The following MTUS2 variants were observed in gnomAD, a reference collection of about 807,000 sequenced individuals.
The protein encoded by MTUS2 is microtubule associated scaffold protein 2, also known as microtubule-associated tumor suppressor candidate 2.
MTUS2 carries 40 observed loss-of-function variants against 114.1 expected under a neutral mutation model. The observed-to-expected ratio is 0.35, with a 90% CI of 0.27 to 0.46. The LOEUF is 0.46. MTUS2 is among the 20% of genes least tolerant of loss of function. The pLI is 1.00. For missense variants in MTUS2, 1,679 were observed against 1,705.4 expected (o/e 0.98, Z 0.27); for synonymous variants, 688 against 672.0 (o/e 1.02, Z -0.37).
At chr13:29,144,167 C>A (rs529887549) in intron 5 of MTUS2, among the ~76,000 whole-genome samples, 1 of 152,082 alleles carries the variant, frequency 6.6e-6, no homozygotes, top group Non-Finnish European at 1.5e-5. Context: ...GTGAAACTGC[C>A]AAATAAATAA....
At chr13:29,381,168 G>T (rs1249749781) in intron 8 of MTUS2, among the ~76,000 whole-genome samples, 2 of 152,152 alleles carry the variant, frequency 1.3e-5, no homozygotes, top group African/African-American at 4.8e-5. Context: ...CTGGGCTTCT[G>T]CCCAGATACA....
chr13:29,144,900 A>G (rs185679010), intron 5 of MTUS2, among the ~76,000 whole-genome samples: 5 of 152,344 alleles, frequency 3.3e-5, no homozygotes, highest in Non-Finnish European at 2.9e-5. Flanking sequence ...GTCACACCTT[A>G]CAGTATGTCT....
At chr13:29,463,353 C>T (rs925797418) in intron 9 of MTUS2, among the ~76,000 whole-genome samples, 7 of 152,204 alleles carry the variant, frequency 4.6e-5, no homozygotes, top group South Asian at 2.1e-4. Flanking sequence ...TTTGTTAGAG[C>T]GGCCACAGGA....
At chr13:29,055,405 A>G (rs1049662794) in intron 4 of MTUS2, among the ~76,000 whole-genome samples, 3 of 152,142 alleles carry the variant, frequency 2.0e-5, no homozygotes, top group Non-Finnish European at 4.4e-5. Flanking sequence ...TTAGGGGTAC[A>G]TGAGCAGCTT....
At chr13:29,448,901 G>A (rs985529456) in intron 9 of MTUS2, among the ~76,000 whole-genome samples, 3 of 151,836 alleles carry the variant, frequency 2.0e-5, no homozygotes, top group African/African-American at 4.8e-5. Context: ...TTACAGACAC[G>A]GGCCACCACG....
chr13:29,440,941 C>T (rs556814085), intron 9 of MTUS2, among the ~76,000 whole-genome samples: 112 of 152,274 alleles, frequency 7.4e-4, no homozygotes, highest in Admixed American at 1.4e-3. Context: ...ATAGTGAGAT[C>T]CAAGCATAGC....
intron 6 of MTUS2, among the ~76,000 whole-genome samples, chr13:29,313,896 GA>G (rs1899878345): frequency 6.6e-6 from 1 of 152,124 alleles, no homozygotes; most frequent in Admixed American, 6.5e-5. Flanking sequence ...AGTTAAAAGA[GA>G]AATGCCTTAG....
chr13:29,458,758 CAT>C (rs1879285610), intron 9 of MTUS2, among the ~76,000 whole-genome samples: 1 of 152,226 alleles, frequency 6.6e-6, no homozygotes, highest in South Asian at 2.1e-4. Context: ...CAGAATAAAA[CAT>C]ATCTCTGCTT....
intron 2 of MTUS2, among the ~76,000 whole-genome samples, chr13:29,016,091 G>A (rs142945252): frequency 0.019 from 2,851 of 152,124 alleles, 48 homozygotes; most frequent in Non-Finnish European, 0.027. Flanking sequence ...TTTTAGTAGA[G>A]ACGGGGTTTC....
intron 2 of MTUS2, among the ~76,000 whole-genome samples, chr13:28,949,569 T>C (rs1035756557): frequency 6.6e-6 from 1 of 152,214 alleles, no homozygotes; most frequent in Non-Finnish European, 1.5e-5. Flanking sequence ...CTAGAACTCT[T>C]TTTTTCACCT....
chr13:29,195,283 G>A (rs971205169), intron 5 of MTUS2, among the ~76,000 whole-genome samples: 1 of 151,248 alleles, frequency 6.6e-6, no homozygotes, highest in African/African-American at 2.4e-5. Context: ...TACAGGTTTA[G>A]TGTAGGAAAC....
rs993372054 is a variant in MTUS2 at position 29,497,521 on chromosome 13, C to G, written c.3678+185C>G. ...GTCAGCAGCTCTCCCCTGAGACAGA[C>G]AGCAGCTGTGGGTTTCTCCAGCTAC... On this transcript the variant is annotated intron_variant, in intron 13 of 15. Transcript: ENST00000612955. 18 of 603,958 alleles carry G rather than the reference C, an allele frequency of 3.0e-5. 1 individual carries two copies. The highest frequency in any genetic ancestry group is 1.1e-4 in the African/African-American group (6 of 53,872). 37.4% of individuals were successfully genotyped at this position (603,958 alleles called of 1,614,324 possible).
At chr13:28,915,751 T>C (rs994465827) in intron 2 of MTUS2, among the ~76,000 whole-genome samples, 1 of 151,934 alleles carries the variant, frequency 6.6e-6, no homozygotes, top group Non-Finnish European at 1.5e-5. Flanking sequence ...TTGTGGGTTC[T>C]CTCTTCATTT....
intron 5 of MTUS2, among the ~76,000 whole-genome samples, chr13:29,161,921 T>C (rs1210969943): frequency 2.0e-5 from 3 of 152,242 alleles, no homozygotes; most frequent in Admixed American, 1.3e-4. Context: ...CATGCTCTCG[T>C]GGCTTTAACA....
chr13:28,940,447 G>C (rs1251805307), intron 2 of MTUS2, among the ~76,000 whole-genome samples: 2 of 152,188 alleles, frequency 1.3e-5, no homozygotes, highest in Admixed American at 6.5e-5. Context: ...GTGTTTACCA[G>C]GGTTTGTGGG....
chr13:28,853,479 A>G (rs978615213), intron 2 of MTUS2, among the ~76,000 whole-genome samples: 1 of 152,202 alleles, frequency 6.6e-6, no homozygotes, highest in Admixed American at 6.5e-5. Flanking sequence ...ACTGACACAG[A>G]TGGCCTCACT....
intron 4 of MTUS2, among the ~76,000 whole-genome samples, chr13:29,038,458 C>T (rs930343916): frequency 3.3e-5 from 5 of 152,206 alleles, no homozygotes; most frequent in African/African-American, 1.2e-4. Context: ...CGGAGCTCTC[C>T]TGTATGAGGT....
intron 4 of MTUS2, among the ~76,000 whole-genome samples, chr13:29,050,095 C>T (rs1887820453): frequency 6.6e-6 from 1 of 152,146 alleles, no homozygotes; most frequent in African/African-American, 2.4e-5. Context: ...GTCTCCACCT[C>T]CCTATTCCCC....
chr13:29,198,615 G>A (rs1241398402), intron 5 of MTUS2, among the ~76,000 whole-genome samples: 1 of 152,082 alleles, frequency 6.6e-6, no homozygotes, highest in Non-Finnish European at 1.5e-5. Context: ...GAAAGTCAAT[G>A]GTAGCTTGGT....
Sources: allele counts gnomAD v4.1 joint callset (sites outside exome capture counted in the v4.1 genomes callset), GRCh38; gene constraint gnomAD v4.1.1; transcripts MANE v1.5; gene names NCBI Gene and HGNC (gene_info 2026-07-23, HGNC 2026-07-21).